The following TMC6 variants were observed in gnomAD, a reference collection of about 807,000 sequenced individuals.
The protein encoded by TMC6 is transmembrane channel-like protein 6.
A neutral mutation model predicts 95.4 loss-of-function variants in TMC6; 71 were observed. That is an observed-to-expected ratio of 0.74 (90% CI 0.61 to 0.91). The LOEUF is 0.91. Ranked by LOEUF, TMC6 falls within the 40% of genes least tolerant of loss-of-function variation. The pLI is 0.00. For synonymous variants in TMC6, 514 were observed against 483.1 expected, an observed-to-expected ratio of 1.06 and a Z score of -0.84; for missense variants, 1,074 against 1,079.1, an observed-to-expected ratio of 1.00 and a Z score of 0.07.
rs773004930 is a variant in TMC6 at position 78,109,626 on chromosome 17, C to T, written c.*3522G>A. The T allele has an allele frequency of 7.8e-5, 35 of 446,948 alleles. No homozygotes were observed. Among genetic ancestry groups the T allele is most frequent in the Non-Finnish European group, 1.4e-4 (32 of 221,910 alleles). The allele number at this position is 446,948 out of a possible 1,614,324, so 27.7% of individuals were successfully genotyped here. A position where few individuals can be genotyped will look rare whatever the true frequency, so the allele number is the denominator to read the frequency against. ...GGGATGGGCAACAGAAAGACCCCAT[C>T]TCAAAAAAGCAGAAGCACATTTCCG... On this transcript the variant is annotated 3_prime_UTR_variant, in exon 20 of 20. Coordinates refer to ENST00000590602, the MANE Select transcript of TMC6 (RefSeq NM_001127198.5).
intron 14 of TMC6, 65 bp downstream of exon 14, chr17:78,119,232 C>G: frequency 6.3e-7 from 1 of 1,591,040 alleles, no homozygotes. Flanking sequence ...AGGTACAGGA[C>G]CCCCGGGGGG....
chr17:78,113,440 A>G lies in TMC6; in HGVS notation c.2354+108T>C, dbSNP rs113429857. 24 of 1,386,570 alleles carry G rather than the reference A, an allele frequency of 1.7e-5. 1 individual carries two copies. The highest frequency in any genetic ancestry group is 1.4e-4 in the African/African-American group (10 of 70,062). The allele number at this position is 1,386,570 out of a possible 1,614,324, so 85.9% of individuals were successfully genotyped here. Reference sequence around the variant, plus strand: ...AGATTTTTGTAGGTCAAAAGCGGTCAAGTGTCAGCAATGTCGTGGTGTAGC... The same window carrying G: ...AGATTTTTGTAGGTCAAAAGCGGTCGAGTGTCAGCAATGTCGTGGTGTAGC... On this transcript the variant is annotated intron_variant, in intron 19 of 19. Coordinates refer to ENST00000590602, the MANE Select transcript of TMC6 (RefSeq NM_001127198.5).
chr17:78,115,702 G>GACCAGCTGCC (rs1567983102), intron 18 of TMC6, among the ~76,000 whole-genome samples: 1 of 26,742 alleles, frequency 3.7e-5, no homozygotes, highest in African/African-American at 2.0e-4. Flanking sequence ...TGGGCACAGG[G>GACCAGCTGCC]GCGAAGGGAG....
chr17:78,121,798 A>G lies in TMC6; in HGVS notation c.1228-87T>C, dbSNP rs2074429073. The stretch of plus-strand genomic sequence containing the variant: ...ACACAGCACAACACACACAACACAC[A>G]TGAGACACACCAGGAGGCTTGAACC... On this transcript the variant is annotated intron_variant, in intron 10 of 19. Transcript: ENST00000590602. This position sits in a 1 kb window ranked among gnomAD's most constrained non-coding sequence, Gnocchi z 5.6. 1 of 1,452,490 alleles carries G rather than the reference A, an allele frequency of 6.9e-7. No homozygotes were observed. Among genetic ancestry groups the G allele is most frequent in the South Asian group, 1.3e-5 (1 of 75,306 alleles). 90.0% of individuals were successfully genotyped at this position (1,452,490 alleles called of 1,614,324 possible).
Position 78,120,998 on chromosome 17 carries a change from T to G in TMC6, c.1535+15A>C. 4 of 1,613,276 alleles carry G rather than the reference T, an allele frequency of 2.5e-6. No individual in the cohort carries two copies. The highest frequency in any genetic ancestry group is 3.4e-6 in the Non-Finnish European group (4 of 1,179,996). On this transcript the variant is annotated intron_variant, in intron 12 of 19. Coordinates refer to ENST00000590602, the MANE Select transcript of TMC6 (RefSeq NM_001127198.5). ...GCTCCAGCACCAAATGATGTTTTCA[T>G]GTGCGGCCACACACCTGCAGATGGC...
At chr17:78,125,956 A>C in intron 4 of TMC6, 72 bp from the exon 5 acceptor site, 1 of 1,540,786 alleles carries the variant, frequency 6.5e-7, no homozygotes, top group Non-Finnish European at 8.8e-7. Flanking sequence ...GGCTCACCAC[A>C]GGCCTCTGCG....
chr17:78,114,994 CTCTGAA>C, intron 18 of TMC6, among the ~76,000 whole-genome samples: 3 of 152,370 alleles, frequency 2.0e-5, no homozygotes, highest in Non-Finnish European at 4.4e-5. Context: ...CCCCTGGGGG[CTCTGAA>C]ATGCCACCCA....
chr17:78,121,280 T>C lies in TMC6; in HGVS notation c.1384-116A>G, dbSNP rs2073285. 1,187,257 of 1,490,508 alleles carry C rather than the reference T, an allele frequency of 0.8. 474,895 individuals are homozygous for C. Among genetic ancestry groups the C allele is most frequent in the South Asian group, 0.85 (70,047 of 82,292 alleles). 92.3% of individuals were successfully genotyped at this position (1,490,508 alleles called of 1,614,324 possible). A position where few individuals can be genotyped will look rare whatever the true frequency, so the allele number is the denominator to read the frequency against. ...GGTAGCACCTCCCTCCTCCAAGATC[T>C]GGCCCTCCCCAGGCCTCAAGTTCAA... On this transcript the variant is annotated intron_variant, in intron 11 of 19. Transcript: ENST00000590602. This position sits in a 1 kb window ranked among gnomAD's most constrained non-coding sequence, Gnocchi z 5.6.
At chr17:78,125,327 G>A (rs2074651765) in intron 5 of TMC6, 64 bp from the exon 6 acceptor site, 2 of 1,456,676 alleles carry the variant, frequency 1.4e-6, no homozygotes, top group Middle Eastern at 1.7e-4. Flanking sequence ...CCGAAGCCGG[G>A]ACCCTGGTCA....
At position 78,124,058 on chromosome 17, in the gene TMC6, T is replaced by A; in HGVS notation, c.1013A>T (p.Asn338Ile). 1 of 1,613,534 alleles carries A rather than the reference T, an allele frequency of 6.2e-7. No individual in the cohort carries two copies. Among genetic ancestry groups the A allele is most frequent in the African/African-American group, 1.3e-5 (1 of 75,004 alleles). The change falls in exon 9 of 20, where the codon AAC (asparagine) becomes ATC (isoleucine). Residue 338 changes from asparagine to isoleucine, a missense_variant. By Grantham distance (149) the Asn-to-Ile change is moderately radical. Transcript: ENST00000590602. ...AGTGGAGAGGTAGGCCAGGGGCATG[T>A]TGTAGGGCAGGCCACCCACCCTGGG... ...CTPRVGGLPYNMPLAYLSTVG... is the reference protein window; with the variant it reads ...CTPRVGGLPYIMPLAYLSTVG...
At chr17:78,114,060 G>T (rs965129336) in intron 18 of TMC6, 17 of 301,230 alleles carry the variant, frequency 5.6e-5, no homozygotes, top group South Asian at 4.7e-4. Context: ...AAACACCACC[G>T]GTTTCTCAAC....
intron 5 of TMC6, 123 bp from the exon 6 acceptor site, chr17:78,125,386 T>C (rs2074655478): frequency 1.1e-6 from 1 of 901,246 alleles, no homozygotes; most frequent in Non-Finnish European, 1.8e-6. Context: ...GGTGCCCTTA[T>C]TTGAGCTTCA....
intron 6 of TMC6, 49 bp downstream of exon 6, chr17:78,125,109 G>A (rs544420954): frequency 3.9e-6 from 6 of 1,546,774 alleles, no homozygotes; most frequent in East Asian, 2.4e-5. Flanking sequence ...TGAGGAAGTG[G>A]GTCTGGGGGC....
At chr17:78,125,070 G>A (rs1444523218) in intron 6 of TMC6, 85 bp from the exon 7 acceptor site, 1 of 1,540,474 alleles carries the variant, frequency 6.5e-7, no homozygotes, top group East Asian at 2.4e-5. Flanking sequence ...CACGGGCTCA[G>A]CCCCTTCTCC....
chr17:78,130,369 G>A (rs115720551), upstream of TMC6, among the ~76,000 whole-genome samples: 249 of 152,300 alleles, frequency 1.6e-3, no homozygotes, highest in African/African-American at 5.6e-3. Flanking sequence ...TGCCCCCACC[G>A]TTCCCATCCC....
rs1567996854 is a variant in TMC6 at position 78,123,592 on chromosome 17, G to A, written c.1082+397C>T. Among the ~76,000 whole-genome samples, 1,215 of 146,376 alleles carry A rather than the reference G, an allele frequency of 8.3e-3. 28 individuals carry two copies. The highest frequency in any genetic ancestry group is 0.029 in the African/African-American group (1,123 of 39,324). On this transcript the variant is annotated intron_variant, in intron 9 of 19. Coordinates refer to ENST00000590602, the MANE Select transcript of TMC6 (RefSeq NM_001127198.5). ...GAATGGGTGAATGTGTGAATGGATG[G>A]ATGGGTGGGTGAATGGATGAATGGG...
chr17:78,128,863 C>T (rs1020226460), upstream of TMC6: 2 of 151,582 alleles, frequency 1.3e-5, no homozygotes, highest in African/African-American at 4.8e-5. The surrounding 1 kb of genome is among the most constrained non-coding windows in gnomAD (Gnocchi z 4.0). Context: ...CCCCCGCCCT[C>T]CTCCGGGCGC....
At chr17:78,125,579 C>A in intron 5 of TMC6, 147 bp downstream of exon 5, 1 of 1,271,806 alleles carries the variant, frequency 7.9e-7, no homozygotes, top group South Asian at 1.5e-5. Context: ...TGCAGAGGGA[C>A]GGGGGGGCCT....
chr17:78,109,643 A>AGAAG lies in TMC6; in HGVS notation c.*3504_*3505insCTTC, dbSNP rs750477003. On this transcript the variant is annotated 3_prime_UTR_variant, in exon 20 of 20. Coordinates refer to ENST00000590602, the MANE Select transcript of TMC6 (RefSeq NM_001127198.5). ...GACCCCATCTCAAAAAAGCAGAAGC[A>AGAAG]CATTTCCGAAGCCCCCCAAGCCCAC... The AGAAG allele has an allele frequency of 4.8e-4, 212 of 438,224 alleles. 2 individuals are homozygous for AGAAG. The highest frequency in any genetic ancestry group is 1.1e-3 in the South Asian group (66 of 60,868). The allele number at this position is 438,224 out of a possible 1,614,324, so 27.1% of individuals were successfully genotyped here. A position where few individuals can be genotyped will look rare whatever the true frequency, so the allele number is the denominator to read the frequency against.
Sources: allele counts gnomAD v4.1 joint callset (sites outside exome capture counted in the v4.1 genomes callset), GRCh38; gene constraint gnomAD v4.1.1; non-coding constraint Gnocchi (gnomAD v3.1); transcripts MANE v1.5; gene names NCBI Gene and HGNC (gene_info 2026-07-23, HGNC 2026-07-21).